The following ADGRV1 variants were observed in gnomAD, a reference collection of about 807,000 sequenced individuals.
The protein encoded by ADGRV1 is adhesion G protein-coupled receptor V1.
ADGRV1 carries 359 observed loss-of-function variants against 596.2 expected under a neutral mutation model. The observed-to-expected ratio is 0.60, with a 90% confidence interval of 0.55 to 0.66. The LOEUF is 0.66. Among genes scored for constraint, ADGRV1 ranks in the 30% least tolerant of loss-of-function variants. ADGRV1 has a pLI of 0.00. For synonymous variants in ADGRV1, 2,681 were observed against 2,679.2 expected (o/e 1.00, Z -0.02); for missense variants, 7,274 against 7,575.6 (o/e 0.96, Z 1.48).
intron 85 of ADGRV1, among the ~76,000 whole-genome samples, chr5:91,032,030 C>G (rs1374711407): frequency 6.6e-6 from 1 of 152,116 alleles, no homozygotes; most frequent in Admixed American, 6.6e-5. Context: ...GAGCAGCATG[C>G]GGGCTGCAAT....
At chr5:90,765,189 C>T (rs1196786938) in intron 59 of ADGRV1, among the ~76,000 whole-genome samples, 1 of 152,072 alleles carries the variant, frequency 6.6e-6, no homozygotes, top group African/African-American at 2.4e-5. Context: ...TGATCATCTT[C>T]CTGAGGAGAA....
At chr5:90,909,934 G>T (rs1772701716) in intron 83 of ADGRV1, among the ~76,000 whole-genome samples, 1 of 152,198 alleles carries the variant, frequency 6.6e-6, no homozygotes, top group South Asian at 2.1e-4. Flanking sequence ...TTAAATTGTG[G>T]ATTGACCCAA....
rs764590195 is a variant in ADGRV1, at chr5:90,625,191, T to C, written c.620T>C (p.Phe207Ser). 1 of 1,613,716 alleles carries C rather than the reference T, an allele frequency of 6.2e-7. No homozygotes were observed. The highest frequency in any genetic ancestry group is 1.1e-5 in the South Asian group (1 of 91,006). ...DLSPVKGNIT[F>S]PPGRATVIYN... ...AGTCCAGTTAAAGGAAATATCACCT[T>C]TCCCCCTGGCAGAGCAACAGTAATT... Residue 207 changes from phenylalanine (F) to serine (S), a missense_variant, in exon 6 of 90, where the codon TTT becomes TCT. By Grantham distance (155) the Phe-to-Ser change is radical (BLOSUM62 -2). Transcript: ENST00000405460.
chr5:91,043,118 A>G (rs1785505646), intron 85 of ADGRV1, among the ~76,000 whole-genome samples: 2 of 152,190 alleles, frequency 1.3e-5, no homozygotes, highest in African/African-American at 4.8e-5. Context: ...TTATGAGAAG[A>G]GGCACCAACG....
At chr5:90,957,679 A>T (rs1777603762) in intron 83 of ADGRV1, among the ~76,000 whole-genome samples, 1 of 149,000 alleles carries the variant, frequency 6.7e-6, no homozygotes, top group East Asian at 1.9e-4. Context: ...TTACTATATG[A>T]AGTTTTTCCT....
intron 50 of ADGRV1, among the ~76,000 whole-genome samples, chr5:90,733,933 T>G (rs1752880451): frequency 6.6e-6 from 1 of 152,180 alleles, no homozygotes; most frequent in Admixed American, 6.5e-5. Flanking sequence ...ATTCTCTTGC[T>G]CTTCCCCGCC....
chr5:90,997,355 G>A (rs1781503246), intron 85 of ADGRV1, among the ~76,000 whole-genome samples: 1 of 147,948 alleles, frequency 6.8e-6, no homozygotes, highest in Non-Finnish European at 1.5e-5. Context: ...TTGCAAGTAT[G>A]TAGCTTCTTC....
At chr5:90,964,877 G>C (rs1047809743) in intron 83 of ADGRV1, among the ~76,000 whole-genome samples, 1 of 152,158 alleles carries the variant, frequency 6.6e-6, no homozygotes, top group Admixed American at 6.5e-5. Flanking sequence ...GCCTCATTGT[G>C]ACTTTTGAAC....
intron 70 of ADGRV1, among the ~76,000 whole-genome samples, chr5:90,795,670 A>C (rs573485765): frequency 6.6e-6 from 1 of 152,324 alleles, no homozygotes; most frequent in East Asian, 1.9e-4. Flanking sequence ...TGCCTCCTCA[A>C]GTGGATCCCT....
intron 1 of ADGRV1, among the ~76,000 whole-genome samples, chr5:90,564,642 T>G (rs1445946721): frequency 3.9e-4 from 10 of 25,748 alleles, no homozygotes; most frequent in East Asian, 1.1e-3. Flanking sequence ...TTTTTTTTTT[T>G]TTGAGACGGA....
intron 85 of ADGRV1, among the ~76,000 whole-genome samples, chr5:91,059,466 AG>A (rs1452772866): frequency 1.3e-5 from 2 of 152,172 alleles, no homozygotes; most frequent in Non-Finnish European, 2.9e-5. Context: ...CTCAACAGCA[AG>A]ATCATTTTCT....
intron 28 of ADGRV1, among the ~76,000 whole-genome samples, chr5:90,684,888 G>A (rs1745406091): frequency 6.6e-6 from 1 of 152,180 alleles, no homozygotes. Context: ...AGGGAAGAAG[G>A]CGAAGCGGTT....
At chr5:91,014,852 G>A (rs576366538) in intron 85 of ADGRV1, among the ~76,000 whole-genome samples, 3 of 520 alleles carry the variant, frequency 5.8e-3, no homozygotes, top group Admixed American at 0.019. Flanking sequence ...TCCATCTTTC[G>A]AATGGTTTTT....
At chr5:90,726,254 G>A (rs1033339569) in intron 48 of ADGRV1, among the ~76,000 whole-genome samples, 9 of 152,092 alleles carry the variant, frequency 5.9e-5, no homozygotes, top group African/African-American at 2.2e-4. Flanking sequence ...AAAAAGCCAG[G>A]CCTCTCACAT....
At chr5:90,793,773 A>G (rs1258805669) in intron 70 of ADGRV1, among the ~76,000 whole-genome samples, 1 of 152,104 alleles carries the variant, frequency 6.6e-6, no homozygotes, top group African/African-American at 2.4e-5. Context: ...TATGATTTCT[A>G]TTTTCATAAA....
chr5:91,083,492 A>G (rs1789597289), intron 86 of ADGRV1, among the ~76,000 whole-genome samples: 2 of 152,154 alleles, frequency 1.3e-5, no homozygotes, highest in South Asian at 4.1e-4. Flanking sequence ...GAAGAAAGTG[A>G]CGTTTTTACA....
chr5:90,853,587 C>A (rs543634647), intron 80 of ADGRV1, 54 bp downstream of exon 80: 386 of 1,531,284 alleles, frequency 2.5e-4, no homozygotes, highest in Non-Finnish European at 3.4e-4. Flanking sequence ...ATTTCTTTAG[C>A]AGGCACACTT....
intron 1 of ADGRV1, among the ~76,000 whole-genome samples, chr5:90,609,115 T>C (rs1194542073): frequency 6.6e-6 from 1 of 152,056 alleles, no homozygotes; most frequent in Non-Finnish European, 1.5e-5. Flanking sequence ...TCTGTAGGAA[T>C]ACATATATTT....
At chr5:90,729,469 G>A (rs566095532) in intron 49 of ADGRV1, among the ~76,000 whole-genome samples, 173 bp from the exon 50 acceptor site, 1 of 152,290 alleles carries the variant, frequency 6.6e-6, no homozygotes, top group South Asian at 2.1e-4. Context: ...CCGTCATGCA[G>A]TAAATGCAAA....
Sources: allele counts gnomAD v4.1 joint callset (sites outside exome capture counted in the v4.1 genomes callset), GRCh38; gene constraint gnomAD v4.1.1; transcripts MANE v1.5; gene names NCBI Gene and HGNC (gene_info 2026-07-23, HGNC 2026-07-21).